SLC24A2: variants seen among roughly 807,000 people sequenced by gnomAD.
The protein encoded by SLC24A2 is sodium/potassium/calcium exchanger 2.
SLC24A2 carries 36 observed loss-of-function variants against 62.0 expected under a neutral mutation model. That is an observed-to-expected ratio of 0.58 (90% confidence interval 0.44 to 0.77). The LOEUF (loss-of-function observed/expected upper bound fraction) is 0.77, where lower values mean the gene tolerates loss of function less well. Ranked by LOEUF, SLC24A2 falls within the 30% of genes least tolerant of loss-of-function variation. The probability of loss-of-function intolerance (pLI) is 0.00; values close to 1 mark genes in which losing one functional copy is unlikely to be tolerated. For missense variants in SLC24A2, 846 were observed against 817.9 expected, an observed-to-expected ratio of 1.03 and a Z score of -0.42; for synonymous variants, 358 against 294.0, an observed-to-expected ratio of 1.22 and a Z score of -2.23.
the SLC24A2 span, among the ~76,000 whole-genome samples, chr9:20,243,643 A>T: frequency 6.6e-6 from 1 of 152,208 alleles, no homozygotes; most frequent in African/African-American, 2.4e-5. Context: ...ATATATGAAC[A>T]AAGCATTCTA....
chr9:20,265,316 G>A, the SLC24A2 span, among the ~76,000 whole-genome samples: 13 of 152,196 alleles, frequency 8.5e-5, no homozygotes, highest in Admixed American at 3.3e-4. Context: ...AATAGTCGCC[G>A]AGTTGTTGCG....
At chr9:20,289,427 C>T in the SLC24A2 span, among the ~76,000 whole-genome samples, 3 of 152,160 alleles carry the variant, frequency 2.0e-5, no homozygotes, top group African/African-American at 7.2e-5. Context: ...ACAAGGGTTA[C>T]CGGAGTTATT....
chr9:20,288,341 G>A, the SLC24A2 span, among the ~76,000 whole-genome samples: 5 of 152,078 alleles, frequency 3.3e-5, no homozygotes, highest in African/African-American at 1.2e-4. Flanking sequence ...CTTATAAGGT[G>A]GCATCAACAC....
the SLC24A2 span, among the ~76,000 whole-genome samples, chr9:20,208,127 G>T: frequency 6.6e-6 from 1 of 152,178 alleles, no homozygotes; most frequent in East Asian, 1.9e-4. Context: ...CATTATCAGG[G>T]AAGGAAAAGG....
chr9:19,857,265 C>G, the SLC24A2 span, among the ~76,000 whole-genome samples: 1 of 152,210 alleles, frequency 6.6e-6, no homozygotes, highest in Non-Finnish European at 1.5e-5. Context: ...TCTCCTATTA[C>G]TGACTTTGAC....
At chr9:19,977,108 T>C in the SLC24A2 span, among the ~76,000 whole-genome samples, 2 of 123,754 alleles carry the variant, frequency 1.6e-5, no homozygotes, top group African/African-American at 6.1e-5. Context: ...AAAACATTTC[T>C]ATATTTGTGT....
Position 19,692,034 on chromosome 9 carries a change from T to A in SLC24A2, c.931-69735A>T, listed in dbSNP as rs555622870. Reference sequence around the variant, plus strand: ...AGCTTTTAACAAGAGGTAAGTATATTATTGTTACCTCCTGTCTTCAGAAAG... The same window carrying A: ...AGCTTTTAACAAGAGGTAAGTATATAATTGTTACCTCCTGTCTTCAGAAAG... On this transcript the variant is annotated intron_variant, in intron 2 of 10. Coordinates refer to ENST00000341998, the MANE Select transcript of SLC24A2 (RefSeq NM_020344.4). 5.9e-5 allele frequency among the ~76,000 whole-genome samples: 9 copies of A among 152,308 alleles called. No homozygotes were observed. The South Asian group carries it at 1.9e-3, about 32-fold the overall frequency.
chr9:19,964,057 A>T, the SLC24A2 span, among the ~76,000 whole-genome samples: 7 of 152,036 alleles, frequency 4.6e-5, no homozygotes, highest in Admixed American at 1.3e-4. Flanking sequence ...TGATGAGTTC[A>T]TGTCCTTTGT....
chr9:19,860,964 C>T, the SLC24A2 span, among the ~76,000 whole-genome samples: 1 of 152,170 alleles, frequency 6.6e-6, no homozygotes. Context: ...GTTTTTGACT[C>T]TAGCCTGGAT....
chr9:19,934,090 T>G, the SLC24A2 span, among the ~76,000 whole-genome samples: 10 of 152,332 alleles, frequency 6.6e-5, no homozygotes, highest in African/African-American at 2.4e-4. The surrounding 1 kb of genome is among the most constrained non-coding windows in gnomAD (Gnocchi z 4.1). Context: ...AACCACTGAA[T>G]AGTACACTTT....
chr9:19,883,808 G>A, the SLC24A2 span, among the ~76,000 whole-genome samples: 42 of 152,066 alleles, frequency 2.8e-4, no homozygotes, highest in African/African-American at 7.7e-4. Flanking sequence ...CTCGTGATCC[G>A]CCCACCTTGG....
chr9:20,178,435 T>G, the SLC24A2 span, among the ~76,000 whole-genome samples: 2 of 152,152 alleles, frequency 1.3e-5, no homozygotes, highest in African/African-American at 4.8e-5. Context: ...CTCCCCCACA[T>G]GTCAACATAT....
intron 2 of SLC24A2, among the ~76,000 whole-genome samples, chr9:19,657,673 T>C (rs1818980446): frequency 6.6e-6 from 1 of 152,204 alleles, no homozygotes; most frequent in Non-Finnish European, 1.5e-5. Context: ...CAAACACTAC[T>C]CTTTCCACAA....
chr9:19,882,883 C>T, the SLC24A2 span, among the ~76,000 whole-genome samples: 62 of 152,148 alleles, frequency 4.1e-4, no homozygotes, highest in East Asian at 0.011. Context: ...ACCAAGCAGC[C>T]GATGCAGGAT....
the SLC24A2 span, among the ~76,000 whole-genome samples, chr9:19,855,842 G>T: frequency 6.6e-6 from 1 of 152,180 alleles, no homozygotes; most frequent in Non-Finnish European, 1.5e-5. Flanking sequence ...GTCTTGCTGG[G>T]TTGGGGAAGT....
At chr9:19,519,348 CTT>C (rs1491226525) in intron 10 of SLC24A2, among the ~76,000 whole-genome samples, 3 of 105,116 alleles carry the variant, frequency 2.9e-5, no homozygotes, top group South Asian at 4.2e-4. Flanking sequence ...TTTAAACTTC[CTT>C]GTGTGTGTGT....
chr9:20,182,796 A>G, the SLC24A2 span, among the ~76,000 whole-genome samples: 1 of 152,212 alleles, frequency 6.6e-6, no homozygotes, highest in Non-Finnish European at 1.5e-5. Flanking sequence ...AAAAAGAAGC[A>G]TGGTAGAAAA....
intron 7 of SLC24A2, among the ~76,000 whole-genome samples, chr9:19,563,800 T>A: frequency 1.9e-5 from 1 of 52,036 alleles, no homozygotes; most frequent in Non-Finnish European, 3.3e-5. Context: ...TAATGACCCT[T>A]CCTTCCTTCC....
chr9:19,884,522 C>T, the SLC24A2 span, among the ~76,000 whole-genome samples: 1 of 152,294 alleles, frequency 6.6e-6, no homozygotes, highest in Admixed American at 6.5e-5. Context: ...ATTAGCCAGA[C>T]ACTTAGTTGG....
Sources: gnomAD v4.1 joint callset for allele counts (sites outside exome capture counted in the v4.1 genomes callset) on GRCh38, gnomAD v4.1.1 for gene constraint, Gnocchi (gnomAD v3.1) non-coding constraint, MANE v1.5 for transcripts, NCBI Gene and HGNC (gene_info 2026-07-23, HGNC 2026-07-21) for gene names.